Variants in MEF2A observed in about 807,000 individuals in gnomAD.
MEF2A encodes myocyte enhancer factor 2A, also known as myocyte-specific enhancer factor 2A.
In MEF2A, 28 loss-of-function variants were observed where a neutral mutation model predicts 55.8. That is an observed-to-expected ratio of 0.50 (90% confidence interval 0.37 to 0.69). The LOEUF (loss-of-function observed/expected upper bound fraction) is 0.69. Among genes scored for constraint, MEF2A ranks in the 30% least tolerant of loss-of-function variants. The pLI is 0.00. For missense variants in MEF2A, 528 were observed against 626.2 expected (o/e 0.84, Z 1.67); for synonymous variants, 239 against 227.1 (o/e 1.05, Z -0.47).
intron 8 of MEF2A, among the ~76,000 whole-genome samples, chr15:99,702,277 G>A (rs553250417): frequency 1.9e-4 from 29 of 152,112 alleles, no homozygotes; most frequent in African/African-American, 6.8e-4. Flanking sequence ...TCCAGATTAG[G>A]GCTTCATGTA....
Position 99,714,571 on chromosome 15 carries a change from G to A in MEF2A, c.*1800G>A, listed in dbSNP as rs1317245550. The A allele has an allele frequency of 6.6e-6, 1 of 152,082 alleles. No homozygotes were observed. The highest frequency in any genetic ancestry group is 2.4e-5 in the African/African-American group (1 of 41,412). The allele number at this position is 152,082 out of a possible 1,614,324, so 9.4% of individuals were successfully genotyped here. On this transcript the variant is annotated 3_prime_UTR_variant, in exon 12 of 12. Transcript: ENST00000557942. ...CTAATTGGAATTAGTGCCACCCTCA[G>A]CTTGGATTTTGAACAAGGCCTTATT...
intron 4 of MEF2A, among the ~76,000 whole-genome samples, chr15:99,670,442 A>G (rs1490964898): frequency 1.3e-5 from 2 of 152,032 alleles, no homozygotes; most frequent in African/African-American, 4.8e-5. Context: ...CCCCATCTCT[A>G]CTAAAAATAC....
chr15:99,571,705 T>G (rs1962373614), intron 1 of MEF2A, among the ~76,000 whole-genome samples: 1 of 96,756 alleles, frequency 1.0e-5, no homozygotes, highest in East Asian at 2.8e-4. Flanking sequence ...GTGGGTAAAA[T>G]ATAGCTATTT....
intron 3 of MEF2A, among the ~76,000 whole-genome samples, chr15:99,642,019 T>G (rs574483998): frequency 1.4e-4 from 22 of 152,202 alleles, no homozygotes; most frequent in African/African-American, 5.3e-4. Flanking sequence ...TGCTTGTTGG[T>G]TTTTTTGCCC....
intron 7 of MEF2A, among the ~76,000 whole-genome samples, chr15:99,677,053 G>C (rs926641102): frequency 6.6e-6 from 1 of 151,840 alleles, no homozygotes; most frequent in African/African-American, 2.4e-5. Context: ...CCCAGGAGGC[G>C]GAGGTTGCAG....
At chr15:99,658,472 A>G (rs141785372) in intron 4 of MEF2A, among the ~76,000 whole-genome samples, 70 of 152,300 alleles carry the variant, frequency 4.6e-4, no homozygotes, top group African/African-American at 1.6e-3. Flanking sequence ...CTTAATTGGC[A>G]TTGTAGAAGA....
At chr15:99,628,630 A>G (rs1294256809) in intron 2 of MEF2A, among the ~76,000 whole-genome samples, 10 of 152,182 alleles carry the variant, frequency 6.6e-5, no homozygotes, top group Admixed American at 2.6e-4. Flanking sequence ...AAAGTAAATG[A>G]GCATTTTTTC....
intron 10 of MEF2A, among the ~76,000 whole-genome samples, chr15:99,710,347 G>T (rs955265559): frequency 6.6e-6 from 1 of 152,052 alleles, no homozygotes; most frequent in Non-Finnish European, 1.5e-5. Context: ...GGTTCAAGCA[G>T]TTCTCCTGCC....
intron 7 of MEF2A, chr15:99,681,747 A>G (rs577774172): frequency 1.3e-5 from 2 of 152,340 alleles, no homozygotes; most frequent in South Asian, 2.1e-4. Flanking sequence ...CATGCATTCA[A>G]TTATTTCAAA....
intron 2 of MEF2A, among the ~76,000 whole-genome samples, chr15:99,623,927 C>T (rs1324611982): frequency 1.3e-5 from 2 of 151,966 alleles, no homozygotes; most frequent in South Asian, 4.1e-4. Flanking sequence ...ACTGCCTCAG[C>T]CTCCCAAGTA....
chr15:99,572,013 GTTTTTTTTTTT>G (rs36027608), intron 1 of MEF2A, among the ~76,000 whole-genome samples: 1 of 128,374 alleles, frequency 7.8e-6, no homozygotes, highest in African/African-American at 2.8e-5. Context: ...CTCCATAGAA[GTTTTTTTTTTT>G]TTTTTTTTCT....
At chr15:99,691,106 T>TTTG (rs2055357514) in intron 8 of MEF2A, among the ~76,000 whole-genome samples, 1 of 150,206 alleles carries the variant, frequency 6.7e-6, no homozygotes. Context: ...TCAGGTTTTT[T>TTTG]TTTTTTTTTT....
intron 11 of MEF2A, among the ~76,000 whole-genome samples, chr15:99,711,115 C>A (rs2058593922): frequency 6.6e-6 from 1 of 152,210 alleles, no homozygotes; most frequent in South Asian, 2.1e-4. Context: ...TACTGCACCC[C>A]TGCTCCCAAG....
At chr15:99,710,587 G>T (rs141105153) in intron 10 of MEF2A, 47 bp from the exon 11 acceptor site, 98 of 1,584,642 alleles carry the variant, frequency 6.2e-5, no homozygotes, top group Non-Finnish European at 8.3e-5. Flanking sequence ...AATAGATTCC[G>T]TATGGACCTT....
intron 4 of MEF2A, among the ~76,000 whole-genome samples, chr15:99,668,023 T>TGTGCA (rs1423685735): frequency 2.6e-5 from 4 of 152,026 alleles, no homozygotes; most frequent in African/African-American, 9.7e-5. Flanking sequence ...GTACCATAAA[T>TGTGCA]GACAATGTGC....
intron 1 of MEF2A, among the ~76,000 whole-genome samples, chr15:99,590,846 A>G (rs79702624): frequency 0.01 from 1,587 of 152,218 alleles, 22 homozygotes; most frequent in African/African-American, 0.036. Flanking sequence ...CTTTTGCTTT[A>G]GATAATCAAA....
intron 11 of MEF2A, among the ~76,000 whole-genome samples, chr15:99,711,265 C>T (rs894069326): frequency 2.0e-5 from 3 of 152,176 alleles, no homozygotes; most frequent in Admixed American, 6.5e-5. Context: ...TCTCCCTGGG[C>T]CACAGGGAAG....
At chr15:99,629,602 G>C (rs950507064) in intron 2 of MEF2A, among the ~76,000 whole-genome samples, 2 of 152,092 alleles carry the variant, frequency 1.3e-5, no homozygotes, top group Non-Finnish European at 2.9e-5. Context: ...AGCTGGTACT[G>C]ATAACGCCTG....
At position 99,628,264 on chromosome 15, in the gene MEF2A, A is replaced by G. The variant is rs141697239; in HGVS notation, c.-142-4714A>G. Among the ~76,000 whole-genome samples, 454 of 151,892 alleles carry G rather than the reference A, an allele frequency of 3.0e-3. 4 individuals carry two copies. Among genetic ancestry groups the G allele is most frequent in the African/African-American group, 0.01 (424 of 41,422 alleles). The stretch of plus-strand genomic sequence containing the variant: ...TCAAGTTTACTATGATAGCCACACA[A>G]CTTTCTTTTGGTTTGTGTTTTACAT... On this transcript the variant is annotated intron_variant, in intron 2 of 11. Transcript: ENST00000557942.
Sources: allele counts gnomAD v4.1 joint callset (sites outside exome capture counted in the v4.1 genomes callset), GRCh38; gene constraint gnomAD v4.1.1; transcripts MANE v1.5; gene names NCBI Gene and HGNC (gene_info 2026-07-23, HGNC 2026-07-21).